The following KRT17 variants were observed in gnomAD, a reference collection of about 807,000 sequenced individuals.
KRT17 encodes the protein keratin 17.
A neutral mutation model predicts 45.6 loss-of-function variants in KRT17; 29 were observed. The observed-to-expected ratio is 0.64, with a 90% CI of 0.47 to 0.87. The LOEUF is 0.87. Ranked by LOEUF, KRT17 falls within the 40% of genes least tolerant of loss-of-function variation. The pLI is 0.00. For missense variants in KRT17, 536 were observed against 577.8 expected, an observed-to-expected ratio of 0.93 and a Z score of 0.74; for synonymous variants, 219 against 234.6, an observed-to-expected ratio of 0.93 and a Z score of 0.61.
rs1336432577 is a variant in KRT17 at position 41,623,022 on chromosome 17, G to T, written c.443C>A (p.Ala148Asp). 2 of 1,612,976 alleles carry T rather than the reference G, an allele frequency of 1.2e-6. No individual in the cohort carries two copies. Among genetic ancestry groups the T allele is most frequent in the African/African-American group, 1.3e-5 (1 of 74,914 alleles). ...IEELQNKILT[A>D]TVDNANILLQ... ...CAGGATGTTGGCATTGTCCACGGTG[G>T]CTGTGAGGATCTGAGGAGAAGGGAG... The change falls in exon 2 of 8, where the codon GCC becomes GAC. Residue 148 changes from alanine (A) to aspartate (D), a missense_variant. By Grantham distance (126) the Ala-to-Asp change is moderately radical. Coordinates refer to ENST00000311208, the MANE Select transcript of KRT17 (RefSeq NM_000422.3).
At chr17:41,621,997 C>A in intron 3 of KRT17, 2 of 611,812 alleles carry the variant, frequency 3.3e-6, no homozygotes, top group Non-Finnish European at 5.9e-6. Context: ...GCCTATGCCC[C>A]CAAAAGTTCC....
In KRT17 at chr17:41,619,602, T is replaced by C; in HGVS notation, c.1291A>G (p.Thr431Ala). 6.2e-7 allele frequency: 1 copy of C among 1,612,186 alleles called. No individual in the cohort carries two copies. The highest frequency in any genetic ancestry group is 8.5e-7 in the Non-Finnish European group (1 of 1,180,014). ...ISSREQVHQT[T>A]R Reference sequence around the variant, plus strand: ...CCGGGGTAGCTGAGTCCTCAGCGGGTGGTCTGGTGGACCTGCTCGCGGGAG... The same window carrying C: ...CCGGGGTAGCTGAGTCCTCAGCGGGCGGTCTGGTGGACCTGCTCGCGGGAG... Residue 431 changes from threonine (T) to alanine (A), a missense_variant, in exon 8 of 8, where the codon ACC (threonine) becomes GCC (alanine). Coordinates refer to ENST00000311208, the MANE Select transcript of KRT17 (RefSeq NM_000422.3).
In KRT17 at chr17:41,624,096, A is replaced by G. The variant is rs776656656; in HGVS notation, c.414T>C (p.Ile138=). 16 of 1,611,716 alleles carry G rather than the reference A, an allele frequency of 9.9e-6. No individual in the cohort carries two copies. Among genetic ancestry groups the G allele is most frequent in the Middle Eastern group, 2.2e-4 (1 of 4,484 alleles). The change falls in exon 1 of 8, where the codon ATT becomes ATC. Residue 138 remains isoleucine, a synonymous_variant. Transcript: ENST00000311208. ...GCCCTACCTTGTTCTGCAGCTCCTC[A>G]ATTGTCCTGTAGTACTGGCTGTAGT... ...ARDYSQYYRT[I]EELQNKILTA...
At position 41,620,972 on chromosome 17, in the gene KRT17, G is replaced by A. The variant is rs1257026726; in HGVS notation, c.954C>T (p.Leu318=). 2.5e-6 allele frequency: 4 copies of A among 1,614,066 alleles called. No individual in the cohort carries two copies. Among genetic ancestry groups the A allele is most frequent in the South Asian group, 2.2e-5 (2 of 91,086 alleles). The change falls in exon 5 of 8, where the codon CTC becomes CTT. Residue 318 remains leucine (L), a synonymous_variant. Transcript: ENST00000311208. Reference sequence around the variant, plus strand: ...TGCACAGGACTGTTCCTACCATGCTGAGCTGGGACTGCAGCTCTATCTCCA... The same window carrying A: ...TGCACAGGACTGTTCCTACCATGCTAAGCTGGGACTGCAGCTCTATCTCCA... ...QALEIELQSQ[L]SMKASLEGNL...
intron 1 of KRT17, among the ~76,000 whole-genome samples, chr17:41,623,835 G>A (rs1908629338): frequency 1.3e-5 from 2 of 152,218 alleles, no homozygotes; most frequent in African/African-American, 4.8e-5. Context: ...CTCCACGAGG[G>A]AGAAACTGAG....
Position 41,620,783 on chromosome 17 carries a change from G to A in KRT17, c.1057C>T (p.Leu353=). 6.2e-7 allele frequency: 1 copy of A among 1,612,944 alleles called. No homozygotes were observed. Among genetic ancestry groups the A allele is most frequent in the Non-Finnish European group, 8.5e-7 (1 of 1,179,866 alleles). ...QGLIGSVEEQ[L]AQLRCEMEQQ... ...TCCATCTCGCAGCGAAGCTGGGCCA[G>A]CTGCTCCTCCACGCTGCCAATCAGC... Residue 353 remains leucine (L), a synonymous_variant, in exon 6 of 8, where the codon CTG becomes TTG. Coordinates refer to ENST00000311208, the MANE Select transcript of KRT17 (RefSeq NM_000422.3).
Position 41,624,324 on chromosome 17 carries a change from G to C in KRT17, c.186C>G (p.Ser62Arg), listed in dbSNP as rs763856669. 6.2e-7 allele frequency: 1 copy of C among 1,611,992 alleles called. No homozygotes were observed. The highest frequency in any genetic ancestry group is 8.5e-7 in the Non-Finnish European group (1 of 1,179,922). Residue 62 changes from serine (S) to arginine (R), a missense_variant, in exon 1 of 8, where the codon AGC becomes AGG. Coordinates refer to ENST00000311208, the MANE Select transcript of KRT17 (RefSeq NM_000422.3). Reference sequence around the variant, plus strand: ...TGCCATAGCCACCACCAGAGCCAAAGCTGTAGCAGCTGGAGTAGCTGCTAC... The same window carrying C: ...TGCCATAGCCACCACCAGAGCCAAACCTGTAGCAGCTGGAGTAGCTGCTAC... ...LGGSSYSSCY[S>R]FGSGGGYGSS...
In KRT17 at chr17:41,624,410, C is replaced by T. The variant is rs758929957; in HGVS notation, c.100G>A (p.Gly34Ser). The T allele has an allele frequency of 2.5e-5, 40 of 1,610,162 alleles. No homozygotes were observed. Among genetic ancestry groups the T allele is most frequent in the East Asian group, 1.8e-4 (8 of 44,872 alleles). ...SSRTSCRLSG[G>S]LGAGSCRLGS... ...AGCCTGCAGGAGCCGGCACCCAGGC[C>T]GCCAGACAGCCGGCAGGAGGTGCGG... The change falls in exon 1 of 8, where the codon GGC (glycine) becomes AGC (serine). Residue 34 changes from glycine to serine, a missense_variant. Coordinates refer to ENST00000311208, the MANE Select transcript of KRT17 (RefSeq NM_000422.3).
Position 41,624,355 on chromosome 17 carries a change from A to T in KRT17, c.155T>A (p.Leu52His). 1.9e-6 allele frequency: 3 copies of T among 1,611,406 alleles called. No individual in the cohort carries two copies. The highest frequency in any genetic ancestry group is 2.5e-6 in the Non-Finnish European group (3 of 1,179,780). Reference protein sequence around the residue: ...LGSAGGLGSTLGGSSYSSCYS... With the variant: ...LGSAGGLGSTHGGSSYSSCYS... ...GCAGCTGGAGTAGCTGCTACCCCCG[A>T]GGGTGCTGCCCAGGCCGCCAGCAGA... is the stretch of plus-strand genomic sequence containing the variant. Residue 52 changes from leucine (L) to histidine (H), a missense_variant, in exon 1 of 8, where the codon CTC (leucine) becomes CAC (histidine). Leu to His is a moderately conservative substitution (Grantham distance 99, BLOSUM62 -3). Coordinates refer to ENST00000311208, the MANE Select transcript of KRT17 (RefSeq NM_000422.3).
In KRT17 at chr17:41,619,552, G is replaced by A. The variant is rs772848535; in HGVS notation, c.*42C>T. The A allele has an allele frequency of 4.3e-6, 7 of 1,611,500 alleles. No homozygotes were observed. The highest frequency in any genetic ancestry group is 5.9e-6 in the Non-Finnish European group (7 of 1,179,846). On this transcript the variant is annotated 3_prime_UTR_variant, in exon 8 of 8. Transcript: ENST00000311208. ...AGACTGTGGGGCAGATGGGGCGGCT[G>A]CCTCCCTGCCTCCTGGGTGGCCGGC...
At chr17:41,622,313 C>T (rs763580927) in intron 3 of KRT17, 42 bp downstream of exon 3, 6 of 1,611,154 alleles carry the variant, frequency 3.7e-6, no homozygotes, top group Non-Finnish European at 5.1e-6. Context: ...GCTCTGCCAC[C>T]CACTCCTCAG....
chr17:41,624,108 G>A lies in KRT17; in HGVS notation c.402C>T (p.Tyr134=). ...APGPARDYSQ[Y]YRTIEELQNK... ...TCTGCAGCTCCTCAATTGTCCTGTAGTACTGGCTGTAGTCACGGGCGGGCC... is the reference window on the plus strand; with the variant it reads ...TCTGCAGCTCCTCAATTGTCCTGTAATACTGGCTGTAGTCACGGGCGGGCC... Residue 134 remains tyrosine, a synonymous_variant, in exon 1 of 8, where the codon TAC becomes TAT. Transcript: ENST00000311208. The A allele has an allele frequency of 6.2e-7, 1 of 1,612,150 alleles. No individual in the cohort carries two copies. The highest frequency in any genetic ancestry group is 1.1e-5 in the South Asian group (1 of 90,994).
chr17:41,622,721 C>T (rs1908584745), intron 2 of KRT17, among the ~76,000 whole-genome samples: 3 of 152,292 alleles, frequency 2.0e-5, no homozygotes, highest in African/African-American at 7.2e-5. Flanking sequence ...TCTCTGCCTC[C>T]CGCCTCCCGC....
chr17:41,621,085 C>T lies in KRT17; in HGVS notation c.841G>A (p.Glu281Lys). ...TTGGTGGCCACCTCGCGGTTCAGTTCCTCTGTCTGCAGACAGGACACAGGA... is the reference window on the plus strand; with the variant it reads ...TTGGTGGCCACCTCGCGGTTCAGTTTCTCTGTCTGCAGACAGGACACAGGA... ...AEDWFFSKTE[E>K]LNREVATNSE... The change falls in exon 5 of 8, where the codon GAA becomes AAA. Residue 281 changes from glutamate to lysine, a missense_variant. Coordinates refer to ENST00000311208, the MANE Select transcript of KRT17 (RefSeq NM_000422.3). 6.2e-7 allele frequency: 1 copy of T among 1,613,884 alleles called. No individual in the cohort carries two copies.
Position 41,624,334 on chromosome 17 carries a change from C to G in KRT17, c.176G>C (p.Ser59Thr). 1 of 1,611,866 alleles carries G rather than the reference C, an allele frequency of 6.2e-7. No individual in the cohort carries two copies. The highest frequency in any genetic ancestry group is 1.1e-5 in the South Asian group (1 of 90,996). The change falls in exon 1 of 8, where the codon AGC becomes ACC. Residue 59 changes from serine (S) to threonine (T), a missense_variant. Physicochemically the swap from Ser to Thr is moderately conservative, Grantham distance 58. Coordinates refer to ENST00000311208, the MANE Select transcript of KRT17 (RefSeq NM_000422.3). The part of the protein sequence containing the change: ...GSTLGGSSYS[S>T]CYSFGSGGGY... ...ACCACCAGAGCCAAAGCTGTAGCAGCTGGAGTAGCTGCTACCCCCGAGGGT... is the reference window on the plus strand; with the variant it reads ...ACCACCAGAGCCAAAGCTGTAGCAGGTGGAGTAGCTGCTACCCCCGAGGGT...
At chr17:41,622,270 CT>C in intron 3 of KRT17, 84 bp downstream of exon 3, 2 of 1,559,632 alleles carry the variant, frequency 1.3e-6, no homozygotes. Flanking sequence ...GCTCTGCTCT[CT>C]CCCACGGCCT....
rs1252679755 is a variant in KRT17 at position 41,620,957 on chromosome 17, T to C, written c.960+9A>G. 6.2e-7 allele frequency: 1 copy of C among 1,614,010 alleles called. No homozygotes were observed. Among genetic ancestry groups the C allele is most frequent in the Non-Finnish European group, 8.5e-7 (1 of 1,180,022 alleles). ...CTGGGCCCTCCCCCATGCACAGGACTGTTCCTACCATGCTGAGCTGGGACT... is the reference window on the plus strand; with the variant it reads ...CTGGGCCCTCCCCCATGCACAGGACCGTTCCTACCATGCTGAGCTGGGACT... On this transcript the variant is annotated intron_variant, in intron 5 of 7. Coordinates refer to ENST00000311208, the MANE Select transcript of KRT17 (RefSeq NM_000422.3).
chr17:41,622,584 C>T (rs1227220949), intron 2 of KRT17, 73 bp from the exon 3 acceptor site: 2 of 1,561,592 alleles, frequency 1.3e-6, no homozygotes, highest in Non-Finnish European at 1.8e-6. Flanking sequence ...GCTCACCTGC[C>T]TTCATTTTGC....
rs1449130313 is a variant in KRT17 at position 41,621,661 on chromosome 17, T to A, written c.766A>T (p.Met256Leu). 2 of 1,612,098 alleles carry A rather than the reference T, an allele frequency of 1.2e-6. No individual in the cohort carries two copies. The highest frequency in any genetic ancestry group is 1.7e-6 in the Non-Finnish European group (2 of 1,179,870). The change falls in exon 4 of 8, where the codon ATG becomes TTG. Residue 256 changes from methionine to leucine, a missense_variant. Met to Leu is a conservative substitution (Grantham distance 15, BLOSUM62 2). Transcript: ENST00000311208. The part of the protein sequence containing the change: ...GVDLSRILNE[M>L]RDQYEKMAEK... Reference sequence around the variant, plus strand: ...GCCATCTTCTCATACTGGTCACGCATCTCGTTGAGGATGCGGCTCAGGTCC... The same window carrying A: ...GCCATCTTCTCATACTGGTCACGCAACTCGTTGAGGATGCGGCTCAGGTCC...
Sources: allele counts gnomAD v4.1 joint callset (sites outside exome capture counted in the v4.1 genomes callset), GRCh38; gene constraint gnomAD v4.1.1; transcripts MANE v1.5; gene names NCBI Gene and HGNC (gene_info 2026-07-23, HGNC 2026-07-21).